Variants in MIER2 observed in about 807,000 individuals in gnomAD.
MIER2 encodes mesoderm induction early response protein 2.
MIER2 carries 30 observed loss-of-function variants against 67.6 expected under a neutral mutation model. The ratio of observed to expected loss-of-function variants is 0.44; its 90% CI spans 0.33 to 0.60. The LOEUF is 0.60. Among genes scored for constraint, MIER2 ranks in the 20% least tolerant of loss-of-function variants. The pLI is 0.02. For synonymous variants in MIER2, 372 were observed against 312.6 expected, an observed-to-expected ratio of 1.19 and a Z score of -2.00; for missense variants, 702 against 745.1, an observed-to-expected ratio of 0.94 and a Z score of 0.67.
At chr19:319,586 G>C (rs1174586227) in intron 7 of MIER2, among the ~76,000 whole-genome samples, 1 of 152,120 alleles carries the variant, frequency 6.6e-6, no homozygotes, top group Non-Finnish European at 1.5e-5. Context: ...AGCCTCTCCA[G>C]TAGCTGGGAC....
chr19:336,417 T>C (rs755937688), intron 1 of MIER2, among the ~76,000 whole-genome samples: 6 of 152,214 alleles, frequency 3.9e-5, no homozygotes, highest in Non-Finnish European at 8.8e-5. Context: ...GGGCAGGACA[T>C]GCATCATGTG....
chr19:336,078 G>A lies in MIER2; in HGVS notation c.100+5C>T, dbSNP rs1219157181. ...CCTGAGCAGGGGAAGGAGGGAGGAA[G>A]GTACCTGCTGTTGTCTGCAAGCCCG... On this transcript the variant is annotated splice_donor_5th_base_variant and intron_variant, in intron 2 of 13. Transcript: ENST00000264819. 3 of 1,612,894 alleles carry A rather than the reference G, an allele frequency of 1.9e-6. No individual in the cohort carries two copies. Among genetic ancestry groups the A allele is most frequent in the African/African-American group, 2.7e-5 (2 of 74,930 alleles).
chr19:311,229 G>C (rs1464654046), intron 10 of MIER2, among the ~76,000 whole-genome samples: 1 of 152,268 alleles, frequency 6.6e-6, no homozygotes, highest in East Asian at 1.9e-4. Context: ...CCACTGGTCA[G>C]AGCCATGGGA....
In MIER2 at chr19:312,152, C is replaced by A. The variant is rs765027367; in HGVS notation, c.889+39G>T. On this transcript the variant is annotated intron_variant, in intron 9 of 13. Transcript: ENST00000264819. ...GGAGAACGGTCAGCAGTGCCCAGGG[C>A]GGGGCCGCAGCGGAAGGAAGGCCCA... is the stretch of plus-strand genomic sequence containing the variant. The A allele has an allele frequency of 8.0e-6, 12 of 1,504,676 alleles. No individual in the cohort carries two copies. The Admixed American group carries it at 1.1e-4, about 14-fold the overall frequency. The allele number at this position is 1,504,676 out of a possible 1,614,324, so 93.2% of individuals were successfully genotyped here. A position where few individuals can be genotyped will look rare whatever the true frequency, so the allele number is the denominator to read the frequency against.
intron 1 of MIER2, among the ~76,000 whole-genome samples, chr19:341,036 C>T (rs1310078943): frequency 1.3e-5 from 2 of 152,152 alleles, no homozygotes; most frequent in African/African-American, 4.8e-5. Flanking sequence ...CAGCAGGTGG[C>T]CACCAGCCCA....
At chr19:323,938 TAA>T (rs1491480775) in intron 7 of MIER2, among the ~76,000 whole-genome samples, 2 of 132,488 alleles carry the variant, frequency 1.5e-5, no homozygotes, top group Admixed American at 8.0e-5. Context: ...CACAATGCAA[TAA>T]AGACACACAC....
chr19:318,861 C>T (rs1300383836), intron 7 of MIER2, among the ~76,000 whole-genome samples: 1 of 151,946 alleles, frequency 6.6e-6, no homozygotes, highest in African/African-American at 2.4e-5. Flanking sequence ...TCCAGACCAT[C>T]CTGGCTAACA....
chr19:310,755 CAGAAACACGGAGTCCAT>C (rs1568216910), intron 10 of MIER2, among the ~76,000 whole-genome samples: 2 of 118,012 alleles, frequency 1.7e-5, no homozygotes, highest in Admixed American at 8.9e-5. Flanking sequence ...CCCGGAGCTA[CAGAAACACGGAGTCCAT>C]AGAAACACGG....
At position 307,437 on chromosome 19, in the gene MIER2, T is replaced by C; in HGVS notation, c.1298A>G (p.Gln433Arg). ...GGGTACAGCGGGGGACTCATCCAGC[T>C]GCTGGAAGGAACACGGCCCTGGCTC... ...SSEPGPCSFQ[Q>R]LDESPAVPLS... The change falls in exon 13 of 14, where the codon CAG becomes CGG. Residue 433 changes from glutamine to arginine, a missense_variant. Around this residue, in one of 3 missense-constraint regions of MIER2, gnomAD observed 254 missense variants for 262.8 expected, o/e 0.97. Coordinates refer to ENST00000264819, the MANE Select transcript of MIER2 (RefSeq NM_017550.3). 1 of 1,593,378 alleles carries C rather than the reference T, an allele frequency of 6.3e-7. No homozygotes were observed. The highest frequency in any genetic ancestry group is 1.1e-5 in the South Asian group (1 of 88,928).
At chr19:334,322 C>G (rs1972144570) in intron 3 of MIER2, 78 bp downstream of exon 3, 1 of 1,580,404 alleles carries the variant, frequency 6.3e-7, no homozygotes, top group African/African-American at 1.4e-5. Flanking sequence ...AATGTGGAAT[C>G]TGAGCTGCAC....
intron 1 of MIER2, among the ~76,000 whole-genome samples, chr19:342,318 T>C (rs1600183618): frequency 6.6e-6 from 1 of 151,914 alleles, no homozygotes; most frequent in East Asian, 1.9e-4. Context: ...AGTGGACATG[T>C]ATGGTACCGA....
intron 1 of MIER2, 87 bp from the exon 2 acceptor site, chr19:336,260 G>C: frequency 9.1e-7 from 1 of 1,104,412 alleles, no homozygotes; most frequent in Non-Finnish European, 1.3e-6. Context: ...GCAAGCGCTG[G>C]TCAGAGCCCA....
intron 10 of MIER2, among the ~76,000 whole-genome samples, chr19:310,636 A>AACGGCCCGGAGCTATAGAAAC (rs1970939413): frequency 1.9e-5 from 2 of 107,952 alleles, no homozygotes; most frequent in African/African-American, 1.0e-4. Flanking sequence ...GAGCTATAGA[A>AACGGCCCGGAGCTATAGAAAC]ACAGCCCAGA....
chr19:318,423 G>A (rs7258924), intron 7 of MIER2, among the ~76,000 whole-genome samples: 9,284 of 152,184 alleles, frequency 0.061, 513 homozygotes, highest in East Asian at 0.2. Flanking sequence ...CAATCTTAAC[G>A]TGTATGCACT....
In MIER2 at chr19:327,261, A is replaced by T. The variant is rs754734816; in HGVS notation, c.370-5T>A. 34 of 271,008 alleles carry T rather than the reference A, an allele frequency of 1.3e-4. No individual in the cohort carries two copies. In the South Asian group the frequency reaches 1.4e-3, roughly 11 times the overall value. The allele number at this position is 271,008 out of a possible 1,614,324, so 16.8% of individuals were successfully genotyped here. On this transcript the variant is annotated splice_polypyrimidine_tract_variant and splice_region_variant and intron_variant, in intron 4 of 13. Transcript: ENST00000264819. ...CAAATCCTTCGCTATTTGTTCCTTT[A>T]AAAAAAAAAAAAAAAGTAAAGAACA... is the stretch of plus-strand genomic sequence containing the variant.
chr19:325,609 G>A (rs779428886), intron 7 of MIER2, 26 bp downstream of exon 7: 9 of 1,613,796 alleles, frequency 5.6e-6, no homozygotes, highest in South Asian at 3.3e-5. Context: ...AGTGGGTTTC[G>A]CCTCCTCTCC....
chr19:327,322 A>G (rs1971807844), intron 4 of MIER2, 66 bp from the exon 5 acceptor site: 5 of 1,531,528 alleles, frequency 3.3e-6, no homozygotes, highest in Non-Finnish European at 4.4e-6. Flanking sequence ...ACCACTAATG[A>G]TAACAACAGT....
At chr19:310,201 G>A (rs1970888508) in intron 10 of MIER2, among the ~76,000 whole-genome samples, 1 of 152,206 alleles carries the variant, frequency 6.6e-6, no homozygotes, top group East Asian at 1.9e-4. Context: ...TGTGGCCACT[G>A]CTGGTGATGG....
At chr19:328,820 C>G (rs1971885557) in intron 3 of MIER2, among the ~76,000 whole-genome samples, 1 of 152,192 alleles carries the variant, frequency 6.6e-6, no homozygotes, top group African/African-American at 2.4e-5. Context: ...TCAATTCACA[C>G]TCAGTCAAAA....
Sources: allele counts gnomAD v4.1 joint callset (sites outside exome capture counted in the v4.1 genomes callset), GRCh38; gene constraint gnomAD v4.1.1; regional missense constraint gnomAD v4.1.1; transcripts MANE v1.5; gene names NCBI Gene and HGNC (gene_info 2026-07-23, HGNC 2026-07-21).